Variants in SMARCC1 observed in about 807,000 individuals in gnomAD.
The protein encoded by SMARCC1 is SWI/SNF complex subunit SMARCC1.
Under a neutral mutation model 147.4 loss-of-function variants are expected in SMARCC1, and 43 were observed. The observed-to-expected ratio is 0.29, with a 90% CI of 0.23 to 0.38. The LOEUF (loss-of-function observed/expected upper bound fraction) is 0.38. Ranked by LOEUF, SMARCC1 falls within the 10% of genes least tolerant of loss-of-function variation. The probability of loss-of-function intolerance (pLI) is 1.00; values close to 1 mark genes in which losing one functional copy is unlikely to be tolerated. For synonymous variants in SMARCC1, 495 were observed against 484.4 expected (o/e 1.02, Z -0.29); for missense variants, 1,119 against 1,381.1 (o/e 0.81, Z 3.01).
At position 47,664,698 on chromosome 3, in the gene SMARCC1, G is replaced by A. The variant is rs150800181; in HGVS notation, c.1900-2106C>T. On this transcript the variant is annotated intron_variant, in intron 19 of 27. Coordinates refer to ENST00000254480, the MANE Select transcript of SMARCC1 (RefSeq NM_003074.4). Reference sequence around the variant, plus strand: ...TCTCTCCAGGACCATGGTTCTCAATGAAGGGTAATTTTTGCCCCCTTGAGG... The same window carrying A: ...TCTCTCCAGGACCATGGTTCTCAATAAAGGGTAATTTTTGCCCCCTTGAGG... Among the ~76,000 whole-genome samples, 7 of 152,294 alleles carry A rather than the reference G, an allele frequency of 4.6e-5. No homozygotes were observed. The East Asian group carries it at 1.2e-3, about 25-fold the overall frequency.
At position 47,698,005 on chromosome 3, in the gene SMARCC1, CAAAAAAAAAAAAAAAAA is replaced by C. The variant is rs71070213; in HGVS notation, c.1165+3256_1165+3272del. Reference sequence around the variant, plus strand: ...CCTGGGCGAGAGCGAGCCTCCGCCTCAAAAAAAAAAAAAAAAAAAAAAAAAAAAGATAAATATCCTCC... The same window carrying C: ...CCTGGGCGAGAGCGAGCCTCCGCCTCAAAAAAAAAAAGATAAATATCCTCC... On this transcript the variant is annotated intron_variant, in intron 11 of 27. Coordinates refer to ENST00000254480, the MANE Select transcript of SMARCC1 (RefSeq NM_003074.4). 5.4e-3 allele frequency among the ~76,000 whole-genome samples: 67 copies of C among 12,494 alleles called. 2 individuals carry two copies. Among genetic ancestry groups the C allele is most frequent in the South Asian group, 7.5e-3 (1 of 134 alleles). 8.2% of individuals were successfully genotyped at this position (12,494 alleles called of 152,430 possible). A position where few individuals can be genotyped will look rare whatever the true frequency, so the allele number is the denominator to read the frequency against.
chr3:47,600,888 C>A (rs2106653638), intron 26 of SMARCC1, among the ~76,000 whole-genome samples: 1 of 151,668 alleles, frequency 6.6e-6, no homozygotes, highest in East Asian at 1.9e-4. Context: ...CCACACAAAT[C>A]TGAAATGCAT....
At position 47,607,084 on chromosome 3, in the gene SMARCC1, G is replaced by C. The variant is rs1194586122; in HGVS notation, c.3043+2982C>G. On this transcript the variant is annotated intron_variant, in intron 26 of 27. Transcript: ENST00000254480. ...TTGAGATGTGAACTCTTAAGCATTT[G>C]TATCTTTTGAAAGCTTAACTCTGGA... Among the ~76,000 whole-genome samples the C allele has an allele frequency of 2.6e-5, 4 of 152,086 alleles. No individual in the cohort carries two copies. In the East Asian group the frequency reaches 5.8e-4, roughly 22 times the overall value.
chr3:47,598,833 A>C (rs2032340333), intron 26 of SMARCC1, among the ~76,000 whole-genome samples: 1 of 41,058 alleles, frequency 2.4e-5, no homozygotes. Flanking sequence ...CTCAAAAAAA[A>C]AAAAAAAAAA....
Position 47,772,928 on chromosome 3 carries a change from A to C in SMARCC1, c.204T>G (p.His68Gln), listed in dbSNP as rs546753729. The C allele has an allele frequency of 6.2e-7, 1 of 1,611,920 alleles. No individual in the cohort carries two copies. The highest frequency in any genetic ancestry group is 1.1e-5 in the South Asian group (1 of 90,630). ...GTGTTTTATTGGTAGGAGCATCCGC[A>C]TGAACATACTGCAAGATAAAGACAG... Reference protein sequence around the residue: ...WLGKHYKKYVHADAPTNKTLA... With the variant: ...WLGKHYKKYVQADAPTNKTLA... The change falls in exon 2 of 28, where the codon CAT becomes CAG. Residue 68 changes from histidine (H) to glutamine (Q), a missense_variant. His to Gln is a conservative substitution (Grantham distance 24, BLOSUM62 0). Coordinates refer to ENST00000254480, the MANE Select transcript of SMARCC1 (RefSeq NM_003074.4).
intron 21 of SMARCC1, among the ~76,000 whole-genome samples, chr3:47,641,455 A>T (rs1457867286): frequency 6.6e-6 from 1 of 152,226 alleles, no homozygotes; most frequent in Non-Finnish European, 1.5e-5. Context: ...ACTGCACTCC[A>T]GCCTGGATGA....
At chr3:47,630,249 A>G (rs2032869206) in intron 24 of SMARCC1, among the ~76,000 whole-genome samples, 1 of 152,154 alleles carries the variant, frequency 6.6e-6, no homozygotes, top group South Asian at 2.1e-4. Flanking sequence ...TTCTCAAATG[A>G]AGCACACAAC....
chr3:47,774,201 AACTT>A (rs1471001754), intron 1 of SMARCC1, among the ~76,000 whole-genome samples: 1 of 151,566 alleles, frequency 6.6e-6, no homozygotes, highest in Non-Finnish European at 1.5e-5. Context: ...CTACCATTGA[AACTT>A]ACTTACAGCA....
intron 21 of SMARCC1, among the ~76,000 whole-genome samples, chr3:47,644,466 C>T (rs748449694): frequency 4.6e-5 from 7 of 152,082 alleles, no homozygotes; most frequent in Non-Finnish European, 8.8e-5. Flanking sequence ...TCTGCACTCC[C>T]GCCTAGGTGA....
intron 21 of SMARCC1, among the ~76,000 whole-genome samples, chr3:47,648,680 G>A (rs546580883): frequency 3.3e-5 from 5 of 151,912 alleles, no homozygotes; most frequent in Middle Eastern, 3.4e-3. Context: ...AGTTGTGAGC[G>A]ACCACACCTG....
chr3:47,735,896 A>AG, intron 5 of SMARCC1, 138 bp downstream of exon 5: 1 of 473,486 alleles, frequency 2.1e-6, no homozygotes. Flanking sequence ...AAAAAAAAAA[A>AG]CTCAAGAAAA....
intron 1 of SMARCC1, among the ~76,000 whole-genome samples, chr3:47,780,171 T>TTG (rs1391798784): frequency 1.3e-4 from 18 of 133,648 alleles, no homozygotes; most frequent in Non-Finnish European, 2.1e-4. Context: ...TTTTTTTGTT[T>TTG]TTTTTTTTTT....
chr3:47,690,018 C>T (rs1359787883), intron 12 of SMARCC1, among the ~76,000 whole-genome samples: 1 of 152,134 alleles, frequency 6.6e-6, no homozygotes, highest in Non-Finnish European at 1.5e-5. Context: ...CTTTTTATCA[C>T]TACTGTGACC....
Position 47,686,019 on chromosome 3 carries a change from C to A in SMARCC1, c.1385+30G>T. Reference sequence around the variant, plus strand: ...GGAAAGTTCTTGTACTGCTCAGTACCATGCTCACAGATGGAAGTGGTCCAC... The same window carrying A: ...GGAAAGTTCTTGTACTGCTCAGTACAATGCTCACAGATGGAAGTGGTCCAC... On this transcript the variant is annotated intron_variant, in intron 14 of 27. Coordinates refer to ENST00000254480, the MANE Select transcript of SMARCC1 (RefSeq NM_003074.4). 1.9e-6 allele frequency: 3 copies of A among 1,607,902 alleles called. No individual in the cohort carries two copies. In the South Asian group the frequency reaches 3.3e-5, roughly 18 times the overall value.
At chr3:47,642,808 G>C (rs766046186) in intron 21 of SMARCC1, among the ~76,000 whole-genome samples, 7 of 152,154 alleles carry the variant, frequency 4.6e-5, no homozygotes, top group Non-Finnish European at 8.8e-5. Context: ...CAATTTGGGA[G>C]GCAGAGGCAG....
At chr3:47,629,125 C>G (rs1021280696) in intron 24 of SMARCC1, among the ~76,000 whole-genome samples, 1 of 152,216 alleles carries the variant, frequency 6.6e-6, no homozygotes, top group Non-Finnish European at 1.5e-5. Context: ...AATTTGCCAT[C>G]AACGATGACT....
rs1246495654 is a variant in SMARCC1 at position 47,613,832 on chromosome 3, A to ATACGG, written c.2782-3506_2782-3505insCCGTA. Among the ~76,000 whole-genome samples, 15 of 152,050 alleles carry ATACGG rather than the reference A, an allele frequency of 9.9e-5. No individual in the cohort carries two copies. The Middle Eastern group carries it at 0.017, about 172-fold the overall frequency. ...AAACCCTGCCTTCCTCTCCCTCTTC[A>ATACGG]CTGTGTATGTATAAAGCAGCCGTAT... On this transcript the variant is annotated intron_variant, in intron 25 of 27. Coordinates refer to ENST00000254480, the MANE Select transcript of SMARCC1 (RefSeq NM_003074.4).
chr3:47,650,337 C>T (rs1462295068), intron 21 of SMARCC1, among the ~76,000 whole-genome samples: 1 of 147,372 alleles, frequency 6.8e-6, no homozygotes, highest in Non-Finnish European at 1.5e-5. Flanking sequence ...AAAATAAAAA[C>T]ATTTCTTTAG....
chr3:47,667,332 AAGAG>A (rs1553681697), intron 19 of SMARCC1, among the ~76,000 whole-genome samples: 2 of 140,170 alleles, frequency 1.4e-5, no homozygotes, highest in East Asian at 2.1e-4. Context: ...AAAAAAAAAA[AAGAG>A]AGAGAGAGAA....
Sources: gnomAD v4.1 joint callset for allele counts (sites outside exome capture counted in the v4.1 genomes callset) on GRCh38, gnomAD v4.1.1 for gene constraint, MANE v1.5 for transcripts, NCBI Gene and HGNC (gene_info 2026-07-23, HGNC 2026-07-21) for gene names.